The following RHOBTB3 variants were observed in gnomAD, a reference collection of about 807,000 sequenced individuals.
RHOBTB3 encodes Rho related BTB domain containing 3, also known as rho-related BTB domain-containing protein 3.
RHOBTB3 carries 47 observed loss-of-function variants against 67.2 expected under a neutral mutation model. The observed-to-expected ratio is 0.70, with a 90% CI of 0.55 to 0.89. RHOBTB3 has a LOEUF of 0.89. RHOBTB3 is among the 40% of genes least tolerant of loss of function. RHOBTB3 has a pLI of 0.00. For missense variants in RHOBTB3, 631 were observed against 750.0 expected (o/e 0.84, Z 1.85); for synonymous variants, 273 against 274.2 (o/e 1.00, Z 0.04).
intron 10 of RHOBTB3, among the ~76,000 whole-genome samples, chr5:95,788,237 G>A (rs906742240): frequency 6.6e-6 from 1 of 152,200 alleles, no homozygotes; most frequent in African/African-American, 2.4e-5. Flanking sequence ...TGGAAATCCT[G>A]CTCAGTTTAC....
intron 6 of RHOBTB3, among the ~76,000 whole-genome samples, chr5:95,761,522 T>C (rs1745393578): frequency 6.6e-6 from 1 of 152,078 alleles, no homozygotes; most frequent in Non-Finnish European, 1.5e-5. Flanking sequence ...TTTGTATTTT[T>C]AGTAGAGATA....
intron 1 of RHOBTB3, 27 bp downstream of exon 1, chr5:95,731,711 T>C: frequency 6.2e-7 from 1 of 1,613,232 alleles, no homozygotes; most frequent in South Asian, 1.1e-5. Context: ...GTCCTGCCAT[T>C]GTCTCTCTCC....
chr5:95,783,603 A>T, intron 9 of RHOBTB3, 194 bp from the exon 10 acceptor site: 1 of 330,922 alleles, frequency 3.0e-6, no homozygotes, highest in Non-Finnish European at 5.4e-6. Flanking sequence ...AAGAAAGGAA[A>T]GAAAAAAAAG....
intron 9 of RHOBTB3, 193 bp from the exon 10 acceptor site, chr5:95,783,603 AG>A: frequency 3.0e-6 from 1 of 330,922 alleles, no homozygotes. Flanking sequence ...AAGAAAGGAA[AG>A]AAAAAAAAGA....
intron 10 of RHOBTB3, among the ~76,000 whole-genome samples, chr5:95,785,345 A>G (rs1746191342): frequency 6.6e-6 from 1 of 152,210 alleles, no homozygotes; most frequent in Non-Finnish European, 1.5e-5. Flanking sequence ...GAATCCCAGC[A>G]CTTTGGGAGG....
At chr5:95,735,433 G>A (rs1057069320) in intron 2 of RHOBTB3, among the ~76,000 whole-genome samples, 19 of 152,068 alleles carry the variant, frequency 1.2e-4, no homozygotes, top group African/African-American at 4.3e-4. Context: ...ATGAGAAGAA[G>A]CTCTCTCTTC....
Position 95,788,836 on chromosome 5 carries a change from G to C in RHOBTB3, c.1698G>C (p.Lys566Asn). The change falls in exon 11 of 12, where the codon AAG becomes AAC. Residue 566 changes from lysine (K) to asparagine (N), a missense_variant. Lys to Asn is a moderately conservative substitution (Grantham distance 94). Coordinates refer to ENST00000379982, the MANE Select transcript of RHOBTB3 (RefSeq NM_014899.4). ...CTAACTACCTCATCTTCAGTCAAAA[G>C]CCTGAATTTCAGGATCTTTCAGGTA... Reference protein sequence around the residue: ...IATNYLIFSQKPEFQDLSVEE... With the variant: ...IATNYLIFSQNPEFQDLSVEE... 6.4e-7 allele frequency: 1 copy of C among 1,560,786 alleles called. No homozygotes were observed.
At chr5:95,784,822 C>T (rs1323382395) in intron 10 of RHOBTB3, among the ~76,000 whole-genome samples, 1 of 152,196 alleles carries the variant, frequency 6.6e-6, no homozygotes, top group African/African-American at 2.4e-5. Flanking sequence ...GCCATCCTAC[C>T]GTTGGCCATT....
chr5:95,752,137 C>A, intron 4 of RHOBTB3, 102 bp from the exon 5 acceptor site: 1 of 699,956 alleles, frequency 1.4e-6, no homozygotes, highest in Non-Finnish European at 2.5e-6. Flanking sequence ...ATAAATGGTA[C>A]TGACGTTTAA....
intron 8 of RHOBTB3, among the ~76,000 whole-genome samples, chr5:95,772,935 G>T (rs1039834743): frequency 6.6e-6 from 1 of 152,208 alleles, no homozygotes; most frequent in African/African-American, 2.4e-5. Context: ...AATTGAATAT[G>T]AATGCCTGGC....
chr5:95,751,687 C>T (rs933866422), intron 4 of RHOBTB3, among the ~76,000 whole-genome samples: 1 of 152,064 alleles, frequency 6.6e-6, no homozygotes, highest in Admixed American at 6.5e-5. Context: ...ACCCTCCTCC[C>T]TCCCACCACC....
At chr5:95,788,737 A>G in intron 10 of RHOBTB3, 25 bp from the exon 11 acceptor site, 1 of 1,485,054 alleles carries the variant, frequency 6.7e-7, no homozygotes, top group Admixed American at 1.9e-5. Flanking sequence ...GTGCAATATT[A>G]TTTCACTTTT....
chr5:95,761,369 G>GTCTCAC (rs1273564285), intron 6 of RHOBTB3, among the ~76,000 whole-genome samples: 15 of 144,458 alleles, frequency 1.0e-4, no homozygotes, highest in Non-Finnish European at 2.0e-4. Context: ...TTGAGACAGG[G>GTCTCAC]TCTCACTCTG....
At chr5:95,735,619 T>C (rs1755436472) in intron 2 of RHOBTB3, among the ~76,000 whole-genome samples, 4 of 152,212 alleles carry the variant, frequency 2.6e-5, no homozygotes, top group Admixed American at 2.6e-4. Context: ...GACCTAGCTA[T>C]TTTCTTAATC....
At chr5:95,725,398 A>G (rs1427595784) in intron 1 of RHOBTB3, among the ~76,000 whole-genome samples, 1 of 152,258 alleles carries the variant, frequency 6.6e-6, no homozygotes, top group Non-Finnish European at 1.5e-5. Context: ...TCTAATGAAA[A>G]ATGAATAATC....
chr5:95,784,177 A>G (rs889086208), intron 10 of RHOBTB3, among the ~76,000 whole-genome samples: 1 of 152,184 alleles, frequency 6.6e-6, no homozygotes, highest in Non-Finnish European at 1.5e-5. Flanking sequence ...AGGAGGCAAA[A>G]TGTCCAGATA....
chr5:95,788,530 G>A, intron 10 of RHOBTB3, among the ~76,000 whole-genome samples: 1 of 152,226 alleles, frequency 6.6e-6, no homozygotes, highest in East Asian at 1.9e-4. Context: ...GGCAGCCGTA[G>A]ATTGTTATTC....
At chr5:95,788,958 T>A (rs541660998) in intron 11 of RHOBTB3, 100 bp downstream of exon 11, 2 of 684,876 alleles carry the variant, frequency 2.9e-6, no homozygotes, top group East Asian at 6.2e-5. Context: ...AAAATAAGAA[T>A]AGTCAATGTA....
chr5:95,785,004 A>G (rs1746179380), intron 10 of RHOBTB3, among the ~76,000 whole-genome samples: 1 of 152,168 alleles, frequency 6.6e-6, no homozygotes, highest in South Asian at 2.1e-4. Context: ...GGCATCCAAC[A>G]TGTCTATACC....
Sources: allele counts gnomAD v4.1 joint callset (sites outside exome capture counted in the v4.1 genomes callset), GRCh38; gene constraint gnomAD v4.1.1; transcripts MANE v1.5; gene names NCBI Gene and HGNC (gene_info 2026-07-23, HGNC 2026-07-21).